Variants in TGFBR3 observed in about 807,000 individuals in gnomAD.
The protein encoded by TGFBR3 is transforming growth factor beta receptor type 3.
In TGFBR3, 46 loss-of-function variants were observed where a neutral mutation model predicts 87.9. The observed-to-expected ratio is 0.52, with a 90% CI of 0.41 to 0.67. The LOEUF (loss-of-function observed/expected upper bound fraction) is 0.67. Among genes scored for constraint, TGFBR3 ranks in the 30% least tolerant of loss-of-function variants. The pLI is 0.00. For missense variants in TGFBR3, 866 were observed against 1,041.9 expected (o/e 0.83, Z 2.32); for synonymous variants, 381 against 391.6 (o/e 0.97, Z 0.32).
At chr1:91,720,527 T>G (rs910462858) in intron 8 of TGFBR3, among the ~76,000 whole-genome samples, 1 of 152,222 alleles carries the variant, frequency 6.6e-6, no homozygotes, top group African/African-American at 2.4e-5. Flanking sequence ...TGGCTACACA[T>G]GAAAATCACT....
At position 91,815,382 on chromosome 1, in the gene TGFBR3, A is replaced by G. The variant is rs530824032; in HGVS notation, c.62-17911T>C. 5.9e-5 allele frequency among the ~76,000 whole-genome samples: 9 copies of G among 152,136 alleles called. No homozygotes were observed. In the South Asian group the frequency reaches 1.7e-3, roughly 28 times the overall value. On this transcript the variant is annotated intron_variant, in intron 2 of 16. Coordinates refer to ENST00000212355, the MANE Select transcript of TGFBR3 (RefSeq NM_003243.5). ...CTAGCTAATCCTCAGGGTCATCATG[A>G]AAACAAATGAGATCATGGCATTTGA...
At chr1:91,836,251 G>A (rs1440348205) in intron 2 of TGFBR3, among the ~76,000 whole-genome samples, 1 of 151,900 alleles carries the variant, frequency 6.6e-6, no homozygotes, top group Non-Finnish European at 1.5e-5. Flanking sequence ...CCATCTCAAG[G>A]AAAATAAACA....
chr1:91,875,413 T>C (rs955709730), intron 1 of TGFBR3, among the ~76,000 whole-genome samples: 1 of 151,908 alleles, frequency 6.6e-6, no homozygotes, highest in Admixed American at 6.6e-5. Context: ...GATGGCACTG[T>C]CCGATAGGCT....
intron 2 of TGFBR3, among the ~76,000 whole-genome samples, chr1:91,806,476 G>T (rs11431794): frequency 8.0e-6 from 1 of 125,598 alleles, no homozygotes; most frequent in Non-Finnish European, 1.7e-5. Context: ...AAATACTGGC[G>T]GGGGGGGTAA....
chr1:91,785,755 T>C (rs1674933722), intron 3 of TGFBR3, among the ~76,000 whole-genome samples: 1 of 151,860 alleles, frequency 6.6e-6, no homozygotes, highest in Non-Finnish European at 1.5e-5. Flanking sequence ...ACACCCTTTG[T>C]TGGGCTTCTG....
At chr1:91,810,435 C>G (rs1675989216) in intron 2 of TGFBR3, among the ~76,000 whole-genome samples, 1 of 152,190 alleles carries the variant, frequency 6.6e-6, no homozygotes, top group Admixed American at 6.5e-5. Flanking sequence ...TCCTTTATAG[C>G]AAATATAAGC....
intron 12 of TGFBR3, among the ~76,000 whole-genome samples, chr1:91,715,264 A>T (rs1422304855): frequency 6.6e-6 from 1 of 152,186 alleles, no homozygotes; most frequent in Non-Finnish European, 1.5e-5. Context: ...CACTCTCTGA[A>T]CCTGGATGTT....
intron 2 of TGFBR3, among the ~76,000 whole-genome samples, chr1:91,819,873 T>C (rs1449565519): frequency 6.6e-6 from 1 of 152,048 alleles, no homozygotes; most frequent in Admixed American, 6.6e-5. Flanking sequence ...CTTCAGAAAA[T>C]GGGGAAAGAA....
intron 2 of TGFBR3, among the ~76,000 whole-genome samples, chr1:91,826,401 G>T (rs1439702467): frequency 6.6e-6 from 1 of 152,148 alleles, no homozygotes; most frequent in East Asian, 1.9e-4. Context: ...GTGGTGAGTG[G>T]TGTGACTGAT....
At chr1:91,702,669 G>C (rs747641789) in intron 14 of TGFBR3, among the ~76,000 whole-genome samples, 2 of 152,070 alleles carry the variant, frequency 1.3e-5, no homozygotes, top group African/African-American at 2.4e-5. Context: ...GATAAAACAA[G>C]ATTCACCATA....
intron 16 of TGFBR3, among the ~76,000 whole-genome samples, chr1:91,689,775 C>G (rs762568043): frequency 1.0e-4 from 15 of 147,742 alleles, no homozygotes; most frequent in Admixed American, 7.5e-4. Context: ...AGTTTTCTCG[C>G]TACGTAAAAA....
chr1:91,680,666 A>T lies in TGFBR3; in HGVS notation c.*3073T>A, dbSNP rs774838846. 31 of 453,994 alleles carry T rather than the reference A, an allele frequency of 6.8e-5. No individual in the cohort carries two copies. The highest frequency in any genetic ancestry group is 5.8e-4 in the African/African-American group (29 of 50,006). 28.1% of individuals were successfully genotyped at this position (453,994 alleles called of 1,614,324 possible). ...CCCCCAGATAAAACAAACATGAAAA[A>T]AATCACATAGGACTCACCCAACAAA... On this transcript the variant is annotated 3_prime_UTR_variant, in exon 17 of 17. Transcript: ENST00000212355.
At position 91,713,037 on chromosome 1, in the gene TGFBR3, A is replaced by T. The variant is rs1212368894; in HGVS notation, c.1867-495T>A. Among the ~76,000 whole-genome samples the T allele has an allele frequency of 3.9e-5, 6 of 152,346 alleles. No individual in the cohort carries two copies. In the East Asian group the frequency reaches 1.2e-3, roughly 29 times the overall value. On this transcript the variant is annotated intron_variant, in intron 12 of 16. Transcript: ENST00000212355. ...CTGAGCTTCTAAATTGCAAAAAGTC[A>T]GAGTAAGCCTGATGAGAGTCCTGCT...
At chr1:91,783,973 C>T (rs1190388391) in intron 3 of TGFBR3, among the ~76,000 whole-genome samples, 1 of 152,136 alleles carries the variant, frequency 6.6e-6, no homozygotes, top group African/African-American at 2.4e-5. Flanking sequence ...AAACCTGGCT[C>T]AGATCAAATG....
chr1:91,736,615 G>C (rs2100830228), intron 4 of TGFBR3, among the ~76,000 whole-genome samples: 1 of 152,114 alleles, frequency 6.6e-6, no homozygotes, highest in South Asian at 2.1e-4. Flanking sequence ...AAATAACCAT[G>C]CCCACCTAAG....
intron 2 of TGFBR3, among the ~76,000 whole-genome samples, chr1:91,828,195 C>G (rs1676716896): frequency 6.6e-6 from 1 of 152,232 alleles, no homozygotes; most frequent in Non-Finnish European, 1.5e-5. Flanking sequence ...GGTTTACTTA[C>G]TACCCTAATT....
At chr1:91,903,059 T>A (rs1280587690) in intron 1 of TGFBR3, among the ~76,000 whole-genome samples, 2 of 147,520 alleles carry the variant, frequency 1.4e-5, no homozygotes, top group Non-Finnish European at 3.0e-5. Context: ...AGGCCGGGCA[T>A]GGTGGCTCAA....
intron 2 of TGFBR3, among the ~76,000 whole-genome samples, chr1:91,817,283 C>T (rs753845270): frequency 5.9e-5 from 9 of 152,066 alleles, no homozygotes; most frequent in South Asian, 2.1e-4. Context: ...CTGTTTTCCA[C>T]GGTCCATATT....
intron 1 of TGFBR3, among the ~76,000 whole-genome samples, chr1:91,881,005 C>T (rs1456209529): frequency 6.6e-6 from 1 of 151,760 alleles, no homozygotes; most frequent in Non-Finnish European, 1.5e-5. Context: ...AATGAAAGCA[C>T]CACAAAAAGA....
Sources: allele counts gnomAD v4.1 joint callset (sites outside exome capture counted in the v4.1 genomes callset), GRCh38; gene constraint gnomAD v4.1.1; transcripts MANE v1.5; gene names NCBI Gene and HGNC (gene_info 2026-07-23, HGNC 2026-07-21).